Variants in CLDN14 observed in about 807,000 individuals in gnomAD.
The protein encoded by CLDN14 is claudin-14.
A neutral mutation model predicts 2.1 loss-of-function variants in CLDN14; 2 were observed. That is an observed-to-expected ratio of 0.96 (90% CI 0.39 to 3.01). The LOEUF is 3.01. Ranked by LOEUF, CLDN14 falls within the 30% of genes most tolerant of loss-of-function variation. The pLI is 0.09. For synonymous variants in CLDN14, 136 were observed against 154.4 expected, an observed-to-expected ratio of 0.88 and a Z score of 0.88; for missense variants, 298 against 328.0, an observed-to-expected ratio of 0.91 and a Z score of 0.71.
chr21:36,528,268 G>T (rs1360404066), intron 1 of CLDN14, among the ~76,000 whole-genome samples: 5 of 152,322 alleles, frequency 3.3e-5, no homozygotes, highest in Non-Finnish European at 7.3e-5. Flanking sequence ...AGGCAGTGTG[G>T]TTAGGGTATT....
intron 1 of CLDN14, among the ~76,000 whole-genome samples, chr21:36,545,151 CT>C (rs748340693): frequency 3.3e-5 from 5 of 152,182 alleles, no homozygotes; most frequent in Non-Finnish European, 7.4e-5. Context: ...TTTTTGCATT[CT>C]CCACTTAAAC....
intron 1 of CLDN14, among the ~76,000 whole-genome samples, chr21:36,568,954 T>C (rs551654623): frequency 4.6e-5 from 7 of 152,388 alleles, no homozygotes; most frequent in African/African-American, 1.7e-4. Flanking sequence ...TGAGTGGTTC[T>C]ACTGGATTTA....
At chr21:36,557,538 A>G (rs1000662707) in intron 1 of CLDN14, among the ~76,000 whole-genome samples, 2 of 152,102 alleles carry the variant, frequency 1.3e-5, no homozygotes, top group African/African-American at 4.8e-5. Context: ...ATGATTAGTG[A>G]CGTTGACCAT....
chr21:36,562,748 G>C (rs2087644910), intron 1 of CLDN14, among the ~76,000 whole-genome samples: 1 of 151,610 alleles, frequency 6.6e-6, no homozygotes. Flanking sequence ...TCCCGCCTGG[G>C]GAATAGGCAG....
At chr21:36,562,546 C>A (rs1182581685) in intron 1 of CLDN14, among the ~76,000 whole-genome samples, 1 of 152,224 alleles carries the variant, frequency 6.6e-6, no homozygotes, top group Non-Finnish European at 1.5e-5. Context: ...CCCACCAAGT[C>A]TCCAGAGTTG....
At chr21:36,538,759 A>AT (rs35923075) in intron 1 of CLDN14, among the ~76,000 whole-genome samples, 1 of 151,888 alleles carries the variant, frequency 6.6e-6, no homozygotes, top group African/African-American at 2.4e-5. Flanking sequence ...ATTGAAAACC[A>AT]TTTTTTTTCC....
At chr21:36,553,103 G>A (rs1285832446) in intron 1 of CLDN14, among the ~76,000 whole-genome samples, 2 of 152,210 alleles carry the variant, frequency 1.3e-5, no homozygotes, top group East Asian at 3.8e-4. Context: ...GCATTGGCTG[G>A]GCGTCACCAG....
intron 1 of CLDN14, among the ~76,000 whole-genome samples, chr21:36,563,895 A>C (rs1322738942): frequency 6.6e-6 from 1 of 152,188 alleles, no homozygotes. Flanking sequence ...ATTACGCCAT[A>C]TTTGAATTAT....
Position 36,461,779 on chromosome 21 carries a change from A to T in CLDN14, c.-81-3T>A. On this transcript the variant is annotated splice_polypyrimidine_tract_variant and splice_region_variant and intron_variant, in intron 1 of 1. Transcript: ENST00000399135. Reference sequence around the variant, plus strand: ...CTCCTCAGGTGCCAGCCGGAGCCCTAATGAAGCCAAGGGAGGCGGGAGCAG... The same window carrying T: ...CTCCTCAGGTGCCAGCCGGAGCCCTTATGAAGCCAAGGGAGGCGGGAGCAG... The T allele has an allele frequency of 6.6e-7, 1 of 1,519,302 alleles. No homozygotes were observed. The highest frequency in any genetic ancestry group is 1.2e-5 in the South Asian group (1 of 82,658). The allele number at this position is 1,519,302 out of a possible 1,614,324, so 94.1% of individuals were successfully genotyped here.
At chr21:36,569,155 C>T (rs369812195) in intron 1 of CLDN14, among the ~76,000 whole-genome samples, 59 of 152,358 alleles carry the variant, frequency 3.9e-4, no homozygotes, top group African/African-American at 9.6e-4. Flanking sequence ...GCGTGGCTCA[C>T]GCCAGTGATC....
At chr21:36,529,948 C>T (rs1242568661) in intron 1 of CLDN14, among the ~76,000 whole-genome samples, 3 of 152,110 alleles carry the variant, frequency 2.0e-5, no homozygotes, top group Admixed American at 6.5e-5. Context: ...TCCTGCTCAT[C>T]GACCCCGAAT....
chr21:36,518,326 C>T (rs1185080133), intron 1 of CLDN14, among the ~76,000 whole-genome samples: 5 of 152,186 alleles, frequency 3.3e-5, no homozygotes, highest in East Asian at 1.9e-4. Context: ...TCTGGCCGGG[C>T]GTGGTGGCTC....
At chr21:36,569,115 T>C (rs1016758267) in intron 1 of CLDN14, among the ~76,000 whole-genome samples, 3 of 152,242 alleles carry the variant, frequency 2.0e-5, no homozygotes, top group Admixed American at 6.5e-5. Flanking sequence ...TGTCTTACTC[T>C]AAAAATTAGT....
chr21:36,463,574 A>G (rs1321211079), intron 1 of CLDN14, among the ~76,000 whole-genome samples: 1 of 152,138 alleles, frequency 6.6e-6, no homozygotes, highest in Non-Finnish European at 1.5e-5. Context: ...TAGCTGATCG[A>G]TGGTTGTGTG....
intron 1 of CLDN14, among the ~76,000 whole-genome samples, chr21:36,561,743 T>C (rs947506848): frequency 1.3e-5 from 2 of 151,910 alleles, no homozygotes; most frequent in African/African-American, 4.8e-5. Flanking sequence ...CCAGGAGAGG[T>C]GTATTAAGAC....
chr21:36,551,839 G>A lies in CLDN14; in HGVS notation c.-220+24572C>T, dbSNP rs1335421358. On this transcript the variant is annotated intron_variant, in intron 1 of 2. Coordinates refer to the CLDN14 transcript ENST00000342108. This position sits in a 1 kb window ranked among gnomAD's most constrained non-coding sequence, Gnocchi z 4.8. ...AACTCATTGCAACTGCTCCTGTCCT[G>A]TCGGTCGAGAGGAGAGTGCAGCATG... is the stretch of plus-strand genomic sequence containing the variant. 6.6e-6 allele frequency among the ~76,000 whole-genome samples: 1 copy of A among 152,198 alleles called. No individual in the cohort carries two copies. The highest frequency in any genetic ancestry group is 1.5e-5 in the Non-Finnish European group (1 of 68,034).
intron 1 of CLDN14, among the ~76,000 whole-genome samples, chr21:36,533,497 TGGATGG>T (rs1273603303): frequency 6.6e-6 from 1 of 152,202 alleles, no homozygotes; most frequent in African/African-American, 2.4e-5. Flanking sequence ...GCCCATTCTC[TGGATGG>T]GCACAGAGCT....
At chr21:36,572,787 T>G (rs2087718400) in intron 1 of CLDN14, among the ~76,000 whole-genome samples, 1 of 152,220 alleles carries the variant, frequency 6.6e-6, no homozygotes, top group Non-Finnish European at 1.5e-5. Context: ...AGCTTTAGTT[T>G]CCTTGTTTGT....
chr21:36,471,255 T>C (rs976141602), intron 1 of CLDN14, among the ~76,000 whole-genome samples: 1 of 152,206 alleles, frequency 6.6e-6, no homozygotes, highest in African/African-American at 2.4e-5. Context: ...GTTAGCTTCA[T>C]GTCTCAAAGT....
Sources: gnomAD v4.1 joint callset for allele counts (sites outside exome capture counted in the v4.1 genomes callset) on GRCh38, gnomAD v4.1.1 for gene constraint, Gnocchi (gnomAD v3.1) non-coding constraint, MANE v1.5 for transcripts, NCBI Gene and HGNC (gene_info 2026-07-23, HGNC 2026-07-21) for gene names.